Variants in LRP1B observed in about 807,000 individuals in gnomAD.
LRP1B encodes LDL receptor related protein 1B.
LRP1B carries 217 observed loss-of-function variants against 556.6 expected under a neutral mutation model. The observed-to-expected ratio is 0.39, with a 90% CI of 0.35 to 0.44. LRP1B has a LOEUF of 0.44. LRP1B is among the 20% of genes least tolerant of loss of function. LRP1B has a pLI of 1.00. For synonymous variants in LRP1B, 2,047 were observed against 1,865.8 expected (o/e 1.10, Z -2.50); for missense variants, 5,053 against 5,620.8 (o/e 0.90, Z 3.23).
intron 7 of LRP1B, among the ~76,000 whole-genome samples, chr2:141,125,992 G>A (rs1033942749): frequency 1.3e-5 from 2 of 151,690 alleles, no homozygotes; most frequent in South Asian, 4.2e-4. Flanking sequence ...TTGAGGACAT[G>A]GGCTTGGCTG....
intron 2 of LRP1B, among the ~76,000 whole-genome samples, chr2:141,623,961 G>C (rs1316941705): frequency 1.5e-5 from 2 of 135,676 alleles, no homozygotes; most frequent in African/African-American, 5.5e-5. Flanking sequence ...GTTGCAGTGA[G>C]CCGAGATCGC....
intron 3 of LRP1B, among the ~76,000 whole-genome samples, chr2:141,404,090 A>C (rs1690541998): frequency 6.6e-6 from 1 of 152,208 alleles, no homozygotes; most frequent in African/African-American, 2.4e-5. Context: ...TAAATCATTA[A>C]GTCATAAAAA....
At chr2:141,397,424 G>A (rs893604932) in intron 3 of LRP1B, among the ~76,000 whole-genome samples, 26 of 150,458 alleles carry the variant, frequency 1.7e-4, no homozygotes, top group Admixed American at 9.3e-4. Context: ...AAATTACAAT[G>A]CACAACTCAT....
At chr2:141,421,446 G>A (rs970987958) in intron 3 of LRP1B, among the ~76,000 whole-genome samples, 8 of 148,966 alleles carry the variant, frequency 5.4e-5, no homozygotes, top group African/African-American at 2.0e-4. Flanking sequence ...GGAGAATGGC[G>A]TGAACCCGGG....
chr2:141,006,645 C>A (rs1697583906), intron 14 of LRP1B, among the ~76,000 whole-genome samples: 2 of 151,994 alleles, frequency 1.3e-5, no homozygotes, highest in African/African-American at 4.8e-5. Context: ...AAAATTTTAG[C>A]TAGAAAAATA....
At chr2:140,249,832 T>G (rs370138045) in intron 86 of LRP1B, among the ~76,000 whole-genome samples, 39 of 152,018 alleles carry the variant, frequency 2.6e-4, no homozygotes, top group African/African-American at 8.7e-4. Flanking sequence ...GTCATCTTTA[T>G]AGCAATGCAT....
intron 84 of LRP1B, among the ~76,000 whole-genome samples, chr2:140,285,376 T>TAC (rs1427068511): frequency 4.0e-5 from 6 of 150,654 alleles, no homozygotes; most frequent in Non-Finnish European, 7.4e-5. Flanking sequence ...TACATATATA[T>TAC]ACACACATAT....
chr2:140,933,381 A>T (rs1357615217), intron 20 of LRP1B, among the ~76,000 whole-genome samples: 3 of 152,112 alleles, frequency 2.0e-5, no homozygotes, highest in African/African-American at 7.2e-5. Flanking sequence ...TGAGGAATGA[A>T]GTCATTATTT....
intron 66 of LRP1B, among the ~76,000 whole-genome samples, chr2:140,413,305 T>C (rs1685043212): frequency 6.6e-6 from 1 of 152,220 alleles, no homozygotes; most frequent in Non-Finnish European, 1.5e-5. Flanking sequence ...ATTTCTTGTA[T>C]ACTCCAGATG....
At chr2:140,621,477 A>AT (rs148731281) in intron 41 of LRP1B, among the ~76,000 whole-genome samples, 34,460 of 151,358 alleles carry the variant, frequency 0.23, 4,242 homozygotes, top group Admixed American at 0.3. Flanking sequence ...AGGAAACAAC[A>AT]TTTTTTTTAA....
intron 1 of LRP1B, among the ~76,000 whole-genome samples, chr2:142,094,478 G>T (rs985335331): frequency 6.6e-6 from 1 of 151,886 alleles, no homozygotes; most frequent in African/African-American, 2.4e-5. Flanking sequence ...TATAGCGAAG[G>T]GTTCTTGTTA....
In LRP1B at chr2:141,481,246, A is replaced by G. The variant is rs192321054; in HGVS notation, c.206-713T>C. Among the ~76,000 whole-genome samples, 218 of 152,216 alleles carry G rather than the reference A, an allele frequency of 1.4e-3. 2 individuals are homozygous for G. The highest frequency in any genetic ancestry group is 5.1e-3 in the African/African-American group (210 of 41,544). Reference sequence around the variant, plus strand: ...AATCAGAACATAGGGTCTTTTCTCAAAGTTTACCCATTCCAAATCTTTATC... The same window carrying G: ...AATCAGAACATAGGGTCTTTTCTCAGAGTTTACCCATTCCAAATCTTTATC... On this transcript the variant is annotated intron_variant, in intron 2 of 90. Coordinates refer to ENST00000389484, the MANE Select transcript of LRP1B (RefSeq NM_018557.3).
At chr2:141,715,456 G>A (rs1361837783) in intron 2 of LRP1B, among the ~76,000 whole-genome samples, 1 of 151,920 alleles carries the variant, frequency 6.6e-6, no homozygotes, top group Non-Finnish European at 1.5e-5. Context: ...AGGTGACAGA[G>A]CAAGACCCTA....
intron 1 of LRP1B, among the ~76,000 whole-genome samples, chr2:142,118,454 G>A (rs1228610961): frequency 1.3e-5 from 2 of 152,134 alleles, no homozygotes; most frequent in South Asian, 2.1e-4. Context: ...GCTCTTTACA[G>A]CAGGTTTATG....
Position 141,214,854 on chromosome 2 carries a change from A to G in LRP1B, c.850+14329T>C, listed in dbSNP as rs574469383. ...CTTACACTTTATCCAGACACAGACC[A>G]TATCTTACTGATGATGCAGATAAGT... is the stretch of plus-strand genomic sequence containing the variant. On this transcript the variant is annotated intron_variant, in intron 6 of 90. Transcript: ENST00000389484. Among the ~76,000 whole-genome samples, 11 of 152,322 alleles carry G rather than the reference A, an allele frequency of 7.2e-5. 1 individual carries two copies. The highest frequency in any genetic ancestry group is 6.8e-3 in the Middle Eastern group (2 of 294).
intron 3 of LRP1B, among the ~76,000 whole-genome samples, chr2:141,388,982 T>C (rs1417883886): frequency 6.6e-6 from 1 of 152,126 alleles, no homozygotes; most frequent in Non-Finnish European, 1.5e-5. Context: ...AAAACATTGC[T>C]AAAATGTAAG....
chr2:141,698,813 C>T (rs1343159424), intron 2 of LRP1B, among the ~76,000 whole-genome samples: 1 of 151,624 alleles, frequency 6.6e-6, no homozygotes. Flanking sequence ...CTTTACGGTG[C>T]TTAGTAAAAA....
Position 141,600,127 on chromosome 2 carries a change from G to A in LRP1B, c.206-119594C>T, listed in dbSNP as rs550900791. ...CGAGTAGGTAGAAGATAGAGGTGGTGAAAAAGGTATAAATAGTGATCAATT... is the reference window on the plus strand; with the variant it reads ...CGAGTAGGTAGAAGATAGAGGTGGTAAAAAAGGTATAAATAGTGATCAATT... On this transcript the variant is annotated intron_variant, in intron 2 of 90. Transcript: ENST00000389484. 5.9e-5 allele frequency among the ~76,000 whole-genome samples: 9 copies of A among 152,258 alleles called. No individual in the cohort carries two copies. In the South Asian group the frequency reaches 1.9e-3, roughly 32 times the overall value.
intron 41 of LRP1B, among the ~76,000 whole-genome samples, chr2:140,674,427 C>T (rs1685598719): frequency 6.6e-6 from 1 of 152,066 alleles, no homozygotes; most frequent in Admixed American, 6.5e-5. Context: ...TATGAGACTC[C>T]ATCTACATAA....
Sources: allele counts gnomAD v4.1 joint callset (sites outside exome capture counted in the v4.1 genomes callset), GRCh38; gene constraint gnomAD v4.1.1; transcripts MANE v1.5; gene names NCBI Gene and HGNC (gene_info 2026-07-23, HGNC 2026-07-21).